Variants in MORC2 observed in about 807,000 individuals in gnomAD.
MORC2 encodes the protein MORC family CW-type zinc finger 2, also known as ATPase MORC2.
A neutral mutation model predicts 136.0 loss-of-function variants in MORC2; 30 were observed. The ratio of observed to expected loss-of-function variants is 0.22; its 90% CI spans 0.17 to 0.30. MORC2 has a LOEUF of 0.30. Ranked by LOEUF, MORC2 falls within the 10% of genes least tolerant of loss-of-function variation. The probability of loss-of-function intolerance (pLI) is 1.00; values close to 1 mark genes in which losing one functional copy is unlikely to be tolerated. For missense variants in MORC2, 922 were observed against 1,333.1 expected (o/e 0.69, Z 4.80); for synonymous variants, 439 against 487.0 (o/e 0.90, Z 1.30).
chr22:30,939,999 A>G lies in MORC2; in HGVS notation c.947T>C (p.Leu316Ser), dbSNP rs1205535409. ...AREAESKART[L>S]EVRLGGDLTR... ...GAGGTCTCCACCTAGGCGTACTTCT[A>G]ATGTCCGAGCTTTGCTCTCTGCCTC... is the stretch of plus-strand genomic sequence containing the variant. The change falls in exon 11 of 26, where the codon TTA becomes TCA. Residue 316 changes from leucine to serine, a missense_variant. By Grantham distance (145) the Leu-to-Ser change is moderately radical. Coordinates refer to ENST00000397641, the MANE Select transcript of MORC2 (RefSeq NM_001303256.3). 3.7e-6 allele frequency: 6 copies of G among 1,614,034 alleles called. No individual in the cohort carries two copies. Among genetic ancestry groups the G allele is most frequent in the East Asian group, 4.5e-5 (2 of 44,882 alleles).
intron 1 of MORC2, chr22:30,958,980 G>GC (rs2041005795): frequency 3.7e-6 from 1 of 267,344 alleles, no homozygotes; most frequent in East Asian, 7.8e-5. Flanking sequence ...TGCTAAAAGT[G>GC]TTTTTCACTA....
Position 30,937,241 on chromosome 22 carries a change from G to T in MORC2, c.1499-204C>A, listed in dbSNP as rs1337762347. Among the ~76,000 whole-genome samples, 8 of 152,072 alleles carry T rather than the reference G, an allele frequency of 5.3e-5. No homozygotes were observed. The highest frequency in any genetic ancestry group is 1.9e-4 in the African/African-American group (8 of 41,408). Reference sequence around the variant, plus strand: ...GGAAGGATGGAAACTTAATATGCTGGACTCTTAACACCCCCAGCCCCTCTC... The same window carrying T: ...GGAAGGATGGAAACTTAATATGCTGTACTCTTAACACCCCCAGCCCCTCTC... On this transcript the variant is annotated intron_variant, in intron 15 of 25. Transcript: ENST00000397641. This position sits in a 1 kb window ranked among gnomAD's most constrained non-coding sequence, Gnocchi z 4.7.
At chr22:30,945,851 G>T (rs948496345) in intron 6 of MORC2, among the ~76,000 whole-genome samples, 3 of 152,208 alleles carry the variant, frequency 2.0e-5, no homozygotes, top group Non-Finnish European at 4.4e-5. Context: ...TTTACTACCT[G>T]CCCAGGCTCT....
At chr22:30,936,394 C>A in intron 17 of MORC2, 117 bp downstream of exon 17, 4 of 1,421,110 alleles carry the variant, frequency 2.8e-6, no homozygotes, top group Non-Finnish European at 2.8e-6. Context: ...TGGCAAACAA[C>A]GCGGGTGAGT....
Position 30,937,035 on chromosome 22 carries a change from A to G in MORC2, c.1501T>C (p.Leu501=). ...GGGAGGGTTCTCCATTTCAGACACA[A>G]ATCTGCAGAGAGCAAAAAAACCCCA... The part of the protein sequence containing the change: ...MEIPTTIQCD[L]CLKWRTLPFQ... The change falls in exon 16 of 26, where the codon TTG becomes CTG. Residue 501 remains leucine, a splice_region_variant and synonymous_variant. Coordinates refer to ENST00000397641, the MANE Select transcript of MORC2 (RefSeq NM_001303256.3). The surrounding 1 kb of genome is among the most constrained non-coding windows in gnomAD (Gnocchi z 4.7). The G allele has an allele frequency of 6.2e-7, 1 of 1,612,212 alleles. No individual in the cohort carries two copies. Among genetic ancestry groups the G allele is most frequent in the African/African-American group, 1.3e-5 (1 of 74,946 alleles).
chr22:30,965,504 T>A (rs1244689277), intron 1 of MORC2, among the ~76,000 whole-genome samples: 1 of 152,246 alleles, frequency 6.6e-6, no homozygotes, highest in Non-Finnish European at 1.5e-5. Flanking sequence ...GTTTAGGGTT[T>A]ATACTGTCTT....
intron 1 of MORC2, among the ~76,000 whole-genome samples, chr22:30,959,847 G>T (rs1049389715): frequency 6.6e-6 from 1 of 152,122 alleles, no homozygotes; most frequent in South Asian, 2.1e-4. Context: ...ATCTCTGATC[G>T]CTTACCATAT....
intron 1 of MORC2, among the ~76,000 whole-genome samples, chr22:30,960,494 T>C (rs2041027442): frequency 6.6e-6 from 1 of 152,030 alleles, no homozygotes; most frequent in Non-Finnish European, 1.5e-5. Flanking sequence ...ATTTATTTAT[T>C]TATTTATTTT....
chr22:30,937,660 T>C lies in MORC2; in HGVS notation c.1421A>G (p.Asn474Ser), dbSNP rs200785275. 30 of 1,614,022 alleles carry C rather than the reference T, an allele frequency of 1.9e-5. No individual in the cohort carries two copies. Among genetic ancestry groups the C allele is most frequent in the Non-Finnish European group, 2.5e-5 (29 of 1,180,016 alleles). Residue 474 changes from asparagine to serine, a missense_variant, in exon 15 of 26, where the codon AAC becomes AGC. Transcript: ENST00000397641. The surrounding 1 kb of genome is among the most constrained non-coding windows in gnomAD (Gnocchi z 4.7). Reference sequence around the variant, plus strand: ...CTCACTGGATGGGGGCTGGTTCCAGTTGGCAGAGAGGTAGCCAAACTCATC... The same window carrying C: ...CTCACTGGATGGGGGCTGGTTCCAGCTGGCAGAGAGGTAGCCAAACTCATC... ...FWDEFGYLSA[N>S]WNQPPSSELR... is the part of the protein sequence containing the mutation.
chr22:30,946,275 C>A (rs377396844), intron 6 of MORC2, 66 bp downstream of exon 6: 3 of 1,350,464 alleles, frequency 2.2e-6, no homozygotes, highest in Non-Finnish European at 3.1e-6. Context: ...AAATAACCTA[C>A]GAAAACCGCC....
chr22:30,939,573 C>A, intron 12 of MORC2, 48 bp downstream of exon 12: 1 of 1,588,368 alleles, frequency 6.3e-7, no homozygotes. Context: ...ATAATCAGTC[C>A]AAAAGCTACG....
Position 30,932,866 on chromosome 22 carries a change from C to A in MORC2, c.2522+23G>T. The A allele has an allele frequency of 6.2e-7, 1 of 1,614,046 alleles. No individual in the cohort carries two copies. On this transcript the variant is annotated intron_variant, in intron 22 of 25. Transcript: ENST00000397641. This position sits in a 1 kb window ranked among gnomAD's most constrained non-coding sequence, Gnocchi z 4.4. ...GGATACCTCCTTCGAGGAACCACTG[C>A]TCCTCCCTGATTGGGGCATTACCAG... is the stretch of plus-strand genomic sequence containing the variant.
Position 30,967,897 on chromosome 22 carries a change from A to C in MORC2, c.-8T>G, listed in dbSNP as rs1025346105. Reference sequence around the variant, plus strand: ...GTAATTTGTGAAAGCCATGACTGCAATAAGGTCTCCAGCCCTTCACCCGCT... The same window carrying C: ...GTAATTTGTGAAAGCCATGACTGCACTAAGGTCTCCAGCCCTTCACCCGCT... On this transcript the variant is annotated 5_prime_UTR_variant, in exon 1 of 26. Coordinates refer to ENST00000397641, the MANE Select transcript of MORC2 (RefSeq NM_001303256.3). 1 of 1,543,110 alleles carries C rather than the reference A, an allele frequency of 6.5e-7. No individual in the cohort carries two copies. The highest frequency in any genetic ancestry group is 8.8e-7 in the Non-Finnish European group (1 of 1,139,722).
At chr22:30,950,226 T>C (rs2040867897) in intron 4 of MORC2, 151 bp downstream of exon 4, 3 of 775,704 alleles carry the variant, frequency 3.9e-6, no homozygotes, top group Non-Finnish European at 6.4e-6. Flanking sequence ...GAATTAAGCC[T>C]GAGATGTTGC....
chr22:30,958,710 C>T lies in MORC2; in HGVS notation c.69-16G>A, dbSNP rs922532667. 3 of 1,534,472 alleles carry T rather than the reference C, an allele frequency of 2.0e-6. No homozygotes were observed. In the African/African-American group the frequency reaches 4.1e-5, roughly 21 times the overall value. ...GTGAGTGGTTCTGAAATGATAAATA[C>T]TAAAAGTCAGCAAAAGAATTATTGA... is the stretch of plus-strand genomic sequence containing the variant. On this transcript the variant is annotated splice_polypyrimidine_tract_variant and intron_variant, in intron 1 of 25. Coordinates refer to ENST00000397641, the MANE Select transcript of MORC2 (RefSeq NM_001303256.3).
intron 1 of MORC2, among the ~76,000 whole-genome samples, chr22:30,962,167 G>A (rs1322632240): frequency 6.7e-6 from 1 of 149,802 alleles, no homozygotes; most frequent in Non-Finnish European, 1.5e-5. Context: ...GTGAGATCGC[G>A]CCACTGTACT....
chr22:30,934,698 C>G lies in MORC2; in HGVS notation c.2193+83G>C. The G allele has an allele frequency of 6.5e-7, 1 of 1,534,184 alleles. No homozygotes were observed. The highest frequency in any genetic ancestry group is 8.9e-7 in the Non-Finnish European group (1 of 1,129,576). On this transcript the variant is annotated intron_variant, in intron 19 of 25. Coordinates refer to ENST00000397641, the MANE Select transcript of MORC2 (RefSeq NM_001303256.3). The surrounding 1 kb of genome is among the most constrained non-coding windows in gnomAD (Gnocchi z 4.4). The stretch of plus-strand genomic sequence containing the variant: ...AGATTCAGTATCTTCCGAAGGCTCC[C>G]CCAGTACAGCTGTGACACTGCACAA...
At chr22:30,931,625 A>AT (rs1465487837) in intron 24 of MORC2, among the ~76,000 whole-genome samples, 1 of 152,154 alleles carries the variant, frequency 6.6e-6, no homozygotes, top group Non-Finnish European at 1.5e-5. Context: ...AGAAGCCCCC[A>AT]CCTCAAACAC....
At chr22:30,931,655 C>T (rs2040577526) in intron 24 of MORC2, among the ~76,000 whole-genome samples, 1 of 152,208 alleles carries the variant, frequency 6.6e-6, no homozygotes, top group East Asian at 1.9e-4. Flanking sequence ...CTTACACAGG[C>T]AGGCACTTGG....
Sources: gnomAD v4.1 joint callset for allele counts (sites outside exome capture counted in the v4.1 genomes callset) on GRCh38, gnomAD v4.1.1 for gene constraint, Gnocchi (gnomAD v3.1) non-coding constraint, MANE v1.5 for transcripts, NCBI Gene and HGNC (gene_info 2026-07-23, HGNC 2026-07-21) for gene names.